IMMP2L: variants seen among roughly 807,000 people sequenced by gnomAD.
The protein encoded by IMMP2L is mitochondrial inner membrane protease subunit 2.
In IMMP2L, 18 loss-of-function variants were observed where a neutral mutation model predicts 19.3. The ratio of observed to expected loss-of-function variants is 0.93; its 90% CI spans 0.64 to 1.38. The LOEUF is 1.38. Among genes scored for constraint, IMMP2L ranks in the 40% most tolerant of loss-of-function variants. The probability of loss-of-function intolerance (pLI) is 0.00; values close to 1 mark genes in which losing one functional copy is unlikely to be tolerated. For synonymous variants in IMMP2L, 76 were observed against 73.0 expected (o/e 1.04, Z -0.21); for missense variants, 233 against 218.2 (o/e 1.07, Z -0.43).
chr7:110,846,868 C>G (rs1255423087), intron 5 of IMMP2L, among the ~76,000 whole-genome samples: 1 of 152,146 alleles, frequency 6.6e-6, no homozygotes, highest in East Asian at 1.9e-4. Context: ...ATAAACAAAT[C>G]TAATTAAAAT....
chr7:111,371,507 T>C (rs1830261726), intron 3 of IMMP2L, among the ~76,000 whole-genome samples: 1 of 152,038 alleles, frequency 6.6e-6, no homozygotes, highest in African/African-American at 2.4e-5. Flanking sequence ...CTTGTTAGCA[T>C]ATGCCTAAGG....
chr7:110,848,143 G>A (rs1329121467), intron 5 of IMMP2L, among the ~76,000 whole-genome samples: 3 of 152,120 alleles, frequency 2.0e-5, no homozygotes, highest in Admixed American at 2.0e-4. Context: ...CTGTGAGAAA[G>A]TATTTGTAAA....
chr7:110,989,440 G>A (rs762947685), intron 3 of IMMP2L, among the ~76,000 whole-genome samples: 6 of 150,642 alleles, frequency 4.0e-5, no homozygotes, highest in Non-Finnish European at 4.4e-5. Context: ...CCAGCAACTC[G>A]GGAGGCTGAG....
chr7:110,935,309 A>G (rs1409134623), intron 4 of IMMP2L, among the ~76,000 whole-genome samples: 1 of 152,166 alleles, frequency 6.6e-6, no homozygotes, highest in Non-Finnish European at 1.5e-5. Flanking sequence ...TTCTTTAAGA[A>G]TGTTGAATAT....
At chr7:111,448,997 A>C (rs1415456294) in intron 3 of IMMP2L, among the ~76,000 whole-genome samples, 1 of 151,014 alleles carries the variant, frequency 6.6e-6, no homozygotes, top group Non-Finnish European at 1.5e-5. Context: ...CACTCTCCCA[A>C]GACTAAACCA....
At chr7:111,129,453 T>C (rs1586474674) in intron 3 of IMMP2L, among the ~76,000 whole-genome samples, 1 of 151,210 alleles carries the variant, frequency 6.6e-6, no homozygotes, top group African/African-American at 2.4e-5. Flanking sequence ...TATATATTAC[T>C]ATATTTAAGG....
At chr7:111,525,026 T>G (rs759291734) in intron 1 of IMMP2L, among the ~76,000 whole-genome samples, 2 of 152,100 alleles carry the variant, frequency 1.3e-5, no homozygotes, top group Non-Finnish European at 2.9e-5. Context: ...CCAGTCCCAG[T>G]CCCTGATCTT....
chr7:110,687,781 C>A (rs186884261), intron 5 of IMMP2L, among the ~76,000 whole-genome samples: 66 of 152,020 alleles, frequency 4.3e-4, no homozygotes, highest in African/African-American at 1.4e-3. Flanking sequence ...AAGAGGGCCA[C>A]AAAAATATAT....
intron 3 of IMMP2L, among the ~76,000 whole-genome samples, chr7:111,383,893 C>T (rs1186290340): frequency 6.6e-6 from 1 of 152,060 alleles, no homozygotes; most frequent in African/African-American, 2.4e-5. Flanking sequence ...TTTCTCTGAC[C>T]TGTCCAGTTA....
At chr7:110,922,782 T>A (rs1407774420) in intron 4 of IMMP2L, among the ~76,000 whole-genome samples, 1 of 152,144 alleles carries the variant, frequency 6.6e-6, no homozygotes, top group Non-Finnish European at 1.5e-5. Flanking sequence ...CTGATGTTGC[T>A]TCAAATGTAT....
intron 4 of IMMP2L, among the ~76,000 whole-genome samples, chr7:110,951,414 T>G (rs1817822608): frequency 1.3e-5 from 2 of 152,190 alleles, no homozygotes; most frequent in South Asian, 2.1e-4. Flanking sequence ...AACAAAAATT[T>G]GATAATCTAA....
At chr7:110,874,665 T>C (rs1181012349) in intron 5 of IMMP2L, among the ~76,000 whole-genome samples, 1 of 152,110 alleles carries the variant, frequency 6.6e-6, no homozygotes, top group African/African-American at 2.4e-5. Flanking sequence ...TATAATAACA[T>C]CAGAACTTAC....
chr7:110,859,701 C>T (rs1807179050), intron 5 of IMMP2L, among the ~76,000 whole-genome samples: 1 of 151,070 alleles, frequency 6.6e-6, no homozygotes, highest in African/African-American at 2.4e-5. Context: ...TGAGATTGTG[C>T]CACTGAAACT....
At chr7:110,872,699 T>C (rs1424892771) in intron 5 of IMMP2L, among the ~76,000 whole-genome samples, 1 of 152,160 alleles carries the variant, frequency 6.6e-6, no homozygotes, top group African/African-American at 2.4e-5. Context: ...AGGCCAATCA[T>C]AGTCATTTCT....
intron 3 of IMMP2L, among the ~76,000 whole-genome samples, chr7:111,271,174 T>C (rs1219594254): frequency 2.0e-5 from 3 of 152,104 alleles, no homozygotes; most frequent in Admixed American, 2.0e-4. Context: ...TGCTTGGCAC[T>C]TCTCCTTCCT....
intron 1 of IMMP2L, among the ~76,000 whole-genome samples, chr7:111,544,184 G>A (rs1274086767): frequency 6.6e-6 from 1 of 151,148 alleles, no homozygotes; most frequent in Admixed American, 6.6e-5. Context: ...ACTCATAGGT[G>A]TGAACTGAAC....
At chr7:111,481,089 A>C (rs185116695) in intron 3 of IMMP2L, among the ~76,000 whole-genome samples, 5 of 152,194 alleles carry the variant, frequency 3.3e-5, no homozygotes, top group Non-Finnish European at 1.5e-5. Context: ...TCTATCAGAA[A>C]GTGGTAATGA....
At chr7:111,471,049 C>A (rs1023575217) in intron 3 of IMMP2L, among the ~76,000 whole-genome samples, 7 of 151,836 alleles carry the variant, frequency 4.6e-5, no homozygotes, top group African/African-American at 1.7e-4. Context: ...GATGAAGAAA[C>A]ATTTGTATCG....
At chr7:110,939,808 G>A (rs1816540089) in intron 4 of IMMP2L, among the ~76,000 whole-genome samples, 1 of 152,134 alleles carries the variant, frequency 6.6e-6, no homozygotes, top group Non-Finnish European at 1.5e-5. Context: ...GCTCCCAAGT[G>A]CAGCAAAAGA....
Sources: allele counts gnomAD v4.1 joint callset (sites outside exome capture counted in the v4.1 genomes callset), GRCh38; gene constraint gnomAD v4.1.1; transcripts MANE v1.5; gene names NCBI Gene and HGNC (gene_info 2026-07-23, HGNC 2026-07-21).